Variants in PCNX1 observed in about 807,000 individuals in gnomAD.
The protein encoded by PCNX1 is pecanex-like protein 1.
A neutral mutation model predicts 242.2 loss-of-function variants in PCNX1; 78 were observed. That is an observed-to-expected ratio of 0.32 (90% confidence interval 0.27 to 0.39). The LOEUF (loss-of-function observed/expected upper bound fraction) is 0.39. Among genes scored for constraint, PCNX1 ranks in the 10% least tolerant of loss-of-function variants. The pLI is 1.00. For missense variants in PCNX1, 2,581 were observed against 2,856.5 expected, an observed-to-expected ratio of 0.90 and a Z score of 2.20; for synonymous variants, 1,024 against 1,032.9, an observed-to-expected ratio of 0.99 and a Z score of 0.17.
Position 71,051,992 on chromosome 14 carries a change from A to G in PCNX1, c.4557A>G (p.Lys1519=), listed in dbSNP as rs779609955. ...TCACTTCATATGTCCGACCTGTGAA[A>G]TTCTGGGAGAGAGACTATAAGTGAG... ...IFITSYVRPV[K]FWERDYNTKR... The change falls in exon 24 of 36, where the codon AAA becomes AAG. Residue 1519 remains lysine, a synonymous_variant. Transcript: ENST00000304743. 2 of 1,613,220 alleles carry G rather than the reference A, an allele frequency of 1.2e-6. No individual in the cohort carries two copies. Among genetic ancestry groups the G allele is most frequent in the Non-Finnish European group, 1.7e-6 (2 of 1,179,494 alleles).
rs562419824 is a variant in PCNX1 at position 70,914,394 on chromosome 14, A to G, written c.153+6391A>G. On this transcript the variant is annotated intron_variant, in intron 1 of 35. Transcript: ENST00000304743. Reference sequence around the variant, plus strand: ...TTGTCAATTTGTAGAAAAGTGTATTAATTTACAAAAAAAGCAGTTGATTTA... The same window carrying G: ...TTGTCAATTTGTAGAAAAGTGTATTGATTTACAAAAAAAGCAGTTGATTTA... Among the ~76,000 whole-genome samples, 16 of 152,268 alleles carry G rather than the reference A, an allele frequency of 1.1e-4. No homozygotes were observed. In the South Asian group the frequency reaches 2.9e-3, roughly 28 times the overall value.
chr14:70,956,519 A>G (rs1483918350), intron 2 of PCNX1, among the ~76,000 whole-genome samples: 1 of 152,126 alleles, frequency 6.6e-6, no homozygotes, highest in East Asian at 1.9e-4. Flanking sequence ...TGATTGCACC[A>G]CTGCACCCCA....
intron 3 of PCNX1, among the ~76,000 whole-genome samples, chr14:70,967,199 A>C (rs575265982): frequency 3.5e-4 from 53 of 152,342 alleles, no homozygotes; most frequent in African/African-American, 1.3e-3. Context: ...ATCCAAATCA[A>C]GAAAGGCCTT....
At position 70,986,688 on chromosome 14, in the gene PCNX1, T is replaced by C. The variant is rs10147846; in HGVS notation, c.2312-1879T>C. Among the ~76,000 whole-genome samples the C allele has an allele frequency of 8.6e-3, 1,311 of 152,338 alleles. 9 individuals carry two copies. The highest frequency in any genetic ancestry group is 0.03 in the African/African-American group (1,236 of 41,570). The stretch of plus-strand genomic sequence containing the variant: ...GAATAATTTTGGTACATTTTATGGA[T>C]TAAATTATCTTCTATAAATTATGTC... On this transcript the variant is annotated intron_variant, in intron 6 of 35. Coordinates refer to ENST00000304743, the MANE Select transcript of PCNX1 (RefSeq NM_014982.3).
chr14:70,969,307 A>G (rs1396625845), intron 5 of PCNX1, 197 bp downstream of exon 5: 1 of 484,784 alleles, frequency 2.1e-6, no homozygotes, highest in African/African-American at 2.0e-5. Flanking sequence ...TCAGTTATAC[A>G]TGTTCTGCCA....
At position 71,108,677 on chromosome 14, in the gene PCNX1, C is replaced by T. The variant is rs778872395; in HGVS notation, c.6375C>T (p.Ser2125=). The stretch of plus-strand genomic sequence containing the variant: ...CTCCTGCCCGGGCCTCAGTAGCCAG[C>T]CAGTCTTCCTACTGCTATAGCAGCC... ...RQSPARASVA[S]QSSYCYSSRH... Residue 2125 remains serine, a synonymous_variant, in exon 34 of 36, where the codon AGC becomes AGT. Transcript: ENST00000304743. 8 of 1,614,182 alleles carry T rather than the reference C, an allele frequency of 5.0e-6. No individual in the cohort carries two copies. The Admixed American group carries it at 1.2e-4, about 24-fold the overall frequency.
intron 6 of PCNX1, among the ~76,000 whole-genome samples, chr14:70,985,634 A>G (rs2058978970): frequency 6.6e-6 from 1 of 152,186 alleles, no homozygotes; most frequent in Non-Finnish European, 1.5e-5. Flanking sequence ...AACTCTCTGG[A>G]TATATACCCT....
rs1394710348 is a variant in PCNX1, at chr14:71,112,537, T to G, written c.*2602T>G. 1 of 152,076 alleles carries G rather than the reference T, an allele frequency of 6.6e-6. No homozygotes were observed. Among genetic ancestry groups the G allele is most frequent in the Admixed American group, 6.5e-5 (1 of 15,274 alleles). 9.4% of individuals were successfully genotyped at this position (152,076 alleles called of 1,614,324 possible). On this transcript the variant is annotated 3_prime_UTR_variant, in exon 36 of 36. Coordinates refer to ENST00000304743, the MANE Select transcript of PCNX1 (RefSeq NM_014982.3). ...TGGTGATAATTGAAGAAAGATCCAT[T>G]TCTTAAGAATAATTTGATCTAAATT...
At position 70,924,770 on chromosome 14, in the gene PCNX1, G is replaced by T. The variant is rs546558926; in HGVS notation, c.153+16767G>T. Among the ~76,000 whole-genome samples, 12 of 151,950 alleles carry T rather than the reference G, an allele frequency of 7.9e-5. No homozygotes were observed. In the East Asian group the frequency reaches 2.3e-3, roughly 29 times the overall value. On this transcript the variant is annotated intron_variant, in intron 1 of 35. Coordinates refer to ENST00000304743, the MANE Select transcript of PCNX1 (RefSeq NM_014982.3). ...CGCCTGGGTAATTTTTGTATTTTTT[G>T]TAAAGACAGGGTTTTGCTATGTTGC...
chr14:70,995,833 C>T lies in PCNX1; in HGVS notation c.2537C>T (p.Ala846Val). Residue 846 changes from alanine (A) to valine (V), a missense_variant, in exon 8 of 36, where the codon GCC (alanine) becomes GTC (valine). Transcript: ENST00000304743. ...CAGGCTGCAGTGCTCAGTGCTAGTG[C>T]CTCCTTGCTGGTGAGAAATGGGAGT... ...PSQAAVLSAS[A>V]SLLVRNGSVH... 2 of 1,613,646 alleles carry T rather than the reference C, an allele frequency of 1.2e-6. No individual in the cohort carries two copies. Among genetic ancestry groups the T allele is most frequent in the Non-Finnish European group, 1.7e-6 (2 of 1,179,584 alleles).
chr14:71,069,023 C>CA (rs1385167057), intron 26 of PCNX1, among the ~76,000 whole-genome samples: 1 of 152,030 alleles, frequency 6.6e-6, no homozygotes, highest in African/African-American at 2.4e-5. Context: ...TTAACAGTTC[C>CA]ATGTGGCTGG....
rs1713728064 is a variant in PCNX1 at position 70,938,913 on chromosome 14, G to A, written c.154-8002G>A. On this transcript the variant is annotated intron_variant, in intron 1 of 35. Transcript: ENST00000304743. ...TTCTTCTAGATTCTCTAGCTTATTT[G>A]CGTAGACGTGTTTATGGTATTCTCT... Among the ~76,000 whole-genome samples the A allele has an allele frequency of 2.6e-5, 4 of 152,160 alleles. No individual in the cohort carries two copies. The South Asian group carries it at 8.3e-4, about 32-fold the overall frequency.
intron 26 of PCNX1, among the ~76,000 whole-genome samples, chr14:71,073,332 A>T (rs2061633090): frequency 6.6e-6 from 1 of 152,232 alleles, no homozygotes; most frequent in Non-Finnish European, 1.5e-5. Context: ...TGCTAATGCT[A>T]ATGCACATTG....
At chr14:71,024,541 T>G (rs749958530) in intron 13 of PCNX1, among the ~76,000 whole-genome samples, 7 of 152,150 alleles carry the variant, frequency 4.6e-5, no homozygotes, top group Non-Finnish European at 1.0e-4. Context: ...TGTCTTATGG[T>G]GCTGATGATG....
chr14:70,914,530 T>C (rs1262988189), intron 1 of PCNX1, among the ~76,000 whole-genome samples: 2 of 152,230 alleles, frequency 1.3e-5, no homozygotes, highest in African/African-American at 4.8e-5. Flanking sequence ...GTTTCTATTT[T>C]TTTTCTAGCC....
At position 70,978,315 on chromosome 14, in the gene PCNX1, C is replaced by A. The variant is rs759438465; in HGVS notation, c.1978C>A (p.His660Asn). ...AAGGGGCACAGACTCTGAACACACACACAAAGCTCATTTGGTTCCTGAAGG... is the reference window on the plus strand; with the variant it reads ...AAGGGGCACAGACTCTGAACACACAAACAAAGCTCATTTGGTTCCTGAAGG... ...KERGTDSEHT[H>N]KAHLVPEGTS... is the part of the protein sequence containing the mutation. The change falls in exon 6 of 36, where the codon CAC becomes AAC. Residue 660 changes from histidine (H) to asparagine (N), a missense_variant. Around this residue, in one of 9 missense-constraint regions of PCNX1, gnomAD observed 1,204 missense variants for 1,216.7 expected, o/e 0.99. Coordinates refer to ENST00000304743, the MANE Select transcript of PCNX1 (RefSeq NM_014982.3). 7.4e-6 allele frequency: 12 copies of A among 1,614,162 alleles called. No homozygotes were observed. The South Asian group carries it at 1.3e-4, about 18-fold the overall frequency.
rs373346620 is a variant in PCNX1, at chr14:71,041,871, G to GT, written c.3868-3261dup. ...CTTTTGCTATATTCCATAGGTTTTAGTATGTTGTATTTTCATTTGTATTGG... is the reference window on the plus strand; with the variant it reads ...CTTTTGCTATATTCCATAGGTTTTAGTTATGTTGTATTTTCATTTGTATTGG... On this transcript the variant is annotated intron_variant, in intron 19 of 35. Coordinates refer to ENST00000304743, the MANE Select transcript of PCNX1 (RefSeq NM_014982.3). Among the ~76,000 whole-genome samples, 3 of 151,850 alleles carry GT rather than the reference G, an allele frequency of 2.0e-5. No individual in the cohort carries two copies. In the East Asian group the frequency reaches 5.8e-4, roughly 29 times the overall value.
chr14:71,097,024 C>A (rs1404775976), intron 30 of PCNX1, among the ~76,000 whole-genome samples: 1 of 152,108 alleles, frequency 6.6e-6, no homozygotes, highest in Admixed American at 6.5e-5. Flanking sequence ...CATCTCCTAC[C>A]CAGGCAGCTC....
chr14:71,001,695 G>C (rs2059510682), intron 8 of PCNX1, among the ~76,000 whole-genome samples: 1 of 152,126 alleles, frequency 6.6e-6, no homozygotes, highest in African/African-American at 2.4e-5. Context: ...AATTAAAGCT[G>C]GTTAGTATAT....
Sources: gnomAD v4.1 joint callset for allele counts (sites outside exome capture counted in the v4.1 genomes callset) on GRCh38, gnomAD v4.1.1 for gene constraint, gnomAD v4.1.1 regional missense constraint, MANE v1.5 for transcripts, NCBI Gene and HGNC (gene_info 2026-07-23, HGNC 2026-07-21) for gene names.